The following ROBO2 variants were observed in gnomAD, a reference collection of about 807,000 sequenced individuals.
The protein encoded by ROBO2 is roundabout homolog 2.
ROBO2 carries 53 observed loss-of-function variants against 160.8 expected under a neutral mutation model. The ratio of observed to expected loss-of-function variants is 0.33; its 90% CI spans 0.26 to 0.41. The LOEUF is 0.41. ROBO2 is among the 10% of genes least tolerant of loss of function. ROBO2 has a pLI of 1.00. For missense variants in ROBO2, 1,577 were observed against 1,722.4 expected, an observed-to-expected ratio of 0.92 and a Z score of 1.49; for synonymous variants, 664 against 611.7, an observed-to-expected ratio of 1.09 and a Z score of -1.26.
At chr3:76,672,497 T>G (rs2106691679) in intron 2 of ROBO2, among the ~76,000 whole-genome samples, 1 of 152,260 alleles carries the variant, frequency 6.6e-6, no homozygotes, top group African/African-American at 2.4e-5. Flanking sequence ...ATACTAATAA[T>G]ACAATATGAG....
chr3:76,947,009 G>T (rs1024289790), intron 2 of ROBO2, among the ~76,000 whole-genome samples: 1 of 151,948 alleles, frequency 6.6e-6, no homozygotes, highest in Admixed American at 6.6e-5. Context: ...TAATTGTTTC[G>T]GGTGGGAGAG....
At chr3:77,365,150 GA>G (rs142131118) in intron 2 of ROBO2, among the ~76,000 whole-genome samples, 42,398 of 134,044 alleles carry the variant, frequency 0.32, 6,636 homozygotes, top group Non-Finnish European at 0.37. Context: ...TCCATCTCAG[GA>G]AAAAAAAAAA....
At chr3:76,923,285 A>G (rs1044366610) in intron 2 of ROBO2, among the ~76,000 whole-genome samples, 1 of 152,210 alleles carries the variant, frequency 6.6e-6, no homozygotes. Context: ...ATCCTTTCTA[A>G]AAACAGAAGA....
At chr3:77,289,284 G>A (rs540607440) in intron 2 of ROBO2, among the ~76,000 whole-genome samples, 4 of 152,246 alleles carry the variant, frequency 2.6e-5, no homozygotes, top group South Asian at 2.1e-4. Context: ...AAGACATAAA[G>A]TAAAATTGAC....
intron 2 of ROBO2, among the ~76,000 whole-genome samples, chr3:76,640,564 AATAAATAAATAT>A (rs2090610726): frequency 1.2e-5 from 1 of 82,158 alleles, no homozygotes; most frequent in Non-Finnish European, 2.9e-5. Context: ...TAAATAAATA[AATAAATAAATAT>A]CAATGCGTGT....
At chr3:77,228,009 A>AAACATGCTGAACTTAAG (rs2086694699) in intron 2 of ROBO2, among the ~76,000 whole-genome samples, 2 of 152,238 alleles carry the variant, frequency 1.3e-5, no homozygotes, top group African/African-American at 4.8e-5. Flanking sequence ...CTGAACTTAA[A>AAACATGCTGAACTTAAG]GCCAACACTG....
intron 2 of ROBO2, among the ~76,000 whole-genome samples, chr3:77,473,735 C>T (rs1237751787): frequency 6.6e-6 from 1 of 152,034 alleles, no homozygotes; most frequent in Non-Finnish European, 1.5e-5. Context: ...GGATTACAGG[C>T]GTGAGCCACC....
chr3:77,471,858 C>T (rs143534769), intron 2 of ROBO2, among the ~76,000 whole-genome samples: 3 of 152,204 alleles, frequency 2.0e-5, no homozygotes, highest in Non-Finnish European at 4.4e-5. Context: ...AAAGGGTGGC[C>T]TGGGACAACA....
intron 2 of ROBO2, among the ~76,000 whole-genome samples, chr3:76,508,545 C>T (rs2080912430): frequency 6.6e-6 from 1 of 152,004 alleles, no homozygotes; most frequent in Non-Finnish European, 1.5e-5. Context: ...TTTTAAGAAA[C>T]ATTAAGTAGG....
intron 2 of ROBO2, among the ~76,000 whole-genome samples, chr3:76,784,100 A>G (rs1216563168): frequency 6.6e-6 from 1 of 151,136 alleles, no homozygotes; most frequent in Non-Finnish European, 1.5e-5. Flanking sequence ...GGAAATTCAT[A>G]GATCTCCATT....
intron 2 of ROBO2, among the ~76,000 whole-genome samples, chr3:76,874,052 G>C (rs997791949): frequency 2.0e-5 from 3 of 152,132 alleles, no homozygotes; most frequent in African/African-American, 7.2e-5. Context: ...AGTTCCCCAA[G>C]TTAAGAGGGA....
chr3:77,644,946 A>G (rs962809934), intron 25 of ROBO2, 42 bp downstream of exon 27: 3 of 1,588,720 alleles, frequency 1.9e-6, no homozygotes, highest in African/African-American at 2.7e-5. Context: ...TGATTCAGAA[A>G]GAATCTTGGG....
At chr3:77,030,690 A>G (rs1387975353) in intron 2 of ROBO2, among the ~76,000 whole-genome samples, 3 of 152,274 alleles carry the variant, frequency 2.0e-5, no homozygotes, top group African/African-American at 4.8e-5. Context: ...GCTTGTAGCA[A>G]TATACTGCCA....
Position 76,729,710 on chromosome 3 carries a change from T to C in ROBO2, c.110-368304T>C, listed in dbSNP as rs529474310. On this transcript the variant is annotated intron_variant, in intron 2 of 26. Transcript: ENST00000487694. ...TGGAGCACAGTGGTTAAATCTCAGC[T>C]CCCTGCAGCCTCTGCCTCCCATGTT... is the stretch of plus-strand genomic sequence containing the variant. 4.6e-5 allele frequency among the ~76,000 whole-genome samples: 7 copies of C among 151,224 alleles called. No individual in the cohort carries two copies. In the East Asian group the frequency reaches 7.9e-4, roughly 17 times the overall value.
At chr3:75,912,058 G>A (rs1946620504) in intron 1 of ROBO2, among the ~76,000 whole-genome samples, 1 of 152,128 alleles carries the variant, frequency 6.6e-6, no homozygotes, top group Admixed American at 6.6e-5. Context: ...CCCCTCAAAT[G>A]CAATGTCAGT....
intron 2 of ROBO2, among the ~76,000 whole-genome samples, chr3:76,171,019 C>G (rs2073020384): frequency 6.6e-6 from 1 of 152,100 alleles, no homozygotes; most frequent in Non-Finnish European, 1.5e-5. Flanking sequence ...GGGTTACTGT[C>G]CCATTAAACA....
intron 2 of ROBO2, among the ~76,000 whole-genome samples, chr3:76,400,741 G>A (rs1435759939): frequency 1.3e-5 from 2 of 151,260 alleles, no homozygotes; most frequent in East Asian, 3.9e-4. Flanking sequence ...TCTGCTTTTT[G>A]TGACACCAAG....
Position 77,369,432 on chromosome 3 carries a change from A to T in ROBO2, c.389-107982A>T, listed in dbSNP as rs1300721610. 3.9e-5 allele frequency among the ~76,000 whole-genome samples: 6 copies of T among 152,172 alleles called. No individual in the cohort carries two copies. The East Asian group carries it at 1.2e-3, about 29-fold the overall frequency. ...GCCAGAGGCAGTGTATGCATGCAGA[A>T]ATGAATGACAGTCTCTTGGAAACCA... is the stretch of plus-strand genomic sequence containing the variant. On this transcript the variant is annotated intron_variant, in intron 2 of 25. Coordinates refer to ENST00000461745, the Ensembl canonical transcript of ROBO2.
At chr3:76,199,694 T>C (rs1198800288) in intron 2 of ROBO2, among the ~76,000 whole-genome samples, 1 of 152,148 alleles carries the variant, frequency 6.6e-6, no homozygotes, top group African/African-American at 2.4e-5. Flanking sequence ...ATCAACACTC[T>C]GTCAATAACT....
Sources: gnomAD v4.1 joint callset for allele counts (sites outside exome capture counted in the v4.1 genomes callset) on GRCh38, gnomAD v4.1.1 for gene constraint, MANE v1.5 for transcripts, NCBI Gene and HGNC (gene_info 2026-07-23, HGNC 2026-07-21) for gene names.